Variants in FANCB observed in about 807,000 individuals in gnomAD.
FANCB encodes the protein FA complementation group B.
FANCB carries 5 observed loss-of-function variants against 38.9 expected under a neutral mutation model. The observed-to-expected ratio is 0.13, with a 90% CI of 0.07 to 0.27. The LOEUF (loss-of-function observed/expected upper bound fraction) is 0.27, where lower values mean the gene tolerates loss of function less well. Ranked by LOEUF, FANCB falls within the 10% of genes least tolerant of loss-of-function variation. The pLI, the probability that FANCB is intolerant of heterozygous loss-of-function variation, is 1.00. For synonymous variants in FANCB, 236 were observed against 215.4 expected, an observed-to-expected ratio of 1.10 and a Z score of -0.84; for missense variants, 573 against 602.7, an observed-to-expected ratio of 0.95 and a Z score of 0.52.
chrX:14,691,898 C>T, the FANCB span, among the ~76,000 whole-genome samples: 13 of 112,204 alleles, frequency 1.2e-4, no homozygotes, highest in Non-Finnish European at 1.3e-4. Flanking sequence ...AAATCTGTTC[C>T]AGAAAATATT....
At chrX:14,784,273 C>T in the FANCB span, among the ~76,000 whole-genome samples, 2 of 112,562 alleles carry the variant, frequency 1.8e-5, no homozygotes, top group Non-Finnish European at 3.8e-5. Flanking sequence ...AAGTCTGACA[C>T]AGGTCTCACT....
At chrX:14,820,022 T>G in the FANCB span, among the ~76,000 whole-genome samples, 9 of 111,397 alleles carry the variant, frequency 8.1e-5, no homozygotes, top group Non-Finnish European at 1.5e-4. Context: ...ATTAACATGA[T>G]TTTGCAAGAC....
chrX:14,696,988 G>A, the FANCB span, among the ~76,000 whole-genome samples: 3 of 110,959 alleles, frequency 2.7e-5, no homozygotes, highest in Non-Finnish European at 3.8e-5. Flanking sequence ...AATTATCACC[G>A]ATGGTTGAAT....
chrX:14,766,506 G>A, the FANCB span, among the ~76,000 whole-genome samples: 1 of 111,408 alleles, frequency 9.0e-6, no homozygotes, highest in Non-Finnish European at 1.9e-5. Context: ...AAATCCTACT[G>A]ACTCAACGAA....
the FANCB span, among the ~76,000 whole-genome samples, chrX:14,826,895 GTTTCT>G: frequency 9.0e-6 from 1 of 111,183 alleles, no homozygotes; most frequent in African/African-American, 3.3e-5. Context: ...TAATATTTTT[GTTTCT>G]TTTTTTTACA....
intron 2 of FANCB, among the ~76,000 whole-genome samples, chrX:14,866,124 C>T (rs972421842): frequency 3.6e-5 from 4 of 111,207 alleles, no homozygotes; most frequent in Non-Finnish European, 7.5e-5. Flanking sequence ...AAAGAAACCC[C>T]AGGAATAAAA....
At chrX:14,837,484 C>A (rs1350442885) in intron 10 of FANCB, among the ~76,000 whole-genome samples, 3 of 112,388 alleles carry the variant, frequency 2.7e-5, no homozygotes, top group Non-Finnish European at 1.9e-5. Flanking sequence ...AGGGAACAGG[C>A]ACACAGGTAT....
the FANCB span, among the ~76,000 whole-genome samples, chrX:14,696,128 TAGAAGGGAAGAA>T: frequency 9.7e-6 from 1 of 102,947 alleles, no homozygotes; most frequent in Non-Finnish European, 2.0e-5. Context: ...GAAGAGAATG[TAGAAGGGAAGAA>T]GGAAGGAAGA....
chrX:14,697,091 G>GAAA, the FANCB span, among the ~76,000 whole-genome samples: 2,532 of 103,745 alleles, frequency 0.024, 77 homozygotes, highest in African/African-American at 0.082. Context: ...ACCATGGTTA[G>GAAA]AAAAAAAAAA....
chrX:14,721,814 C>T, the FANCB span, among the ~76,000 whole-genome samples: 1 of 111,494 alleles, frequency 9.0e-6, no homozygotes, highest in African/African-American at 3.3e-5. Context: ...GTATCAGCAG[C>T]TAAAAGCCAA....
the FANCB span, among the ~76,000 whole-genome samples, chrX:14,769,354 T>C: frequency 8.9e-6 from 1 of 111,919 alleles, no homozygotes; most frequent in East Asian, 2.8e-4. Flanking sequence ...GTTATTGGTC[T>C]ATTCAGAGAT....
At chrX:14,714,608 C>T in the FANCB span, among the ~76,000 whole-genome samples, 172 of 111,650 alleles carry the variant, frequency 1.5e-3, 1 homozygote, top group Non-Finnish European at 2.9e-3. Context: ...GTTTGTTCTC[C>T]CCTGCCCATA....
the FANCB span, among the ~76,000 whole-genome samples, chrX:14,755,062 A>G: frequency 8.9e-6 from 1 of 112,234 alleles, no homozygotes; most frequent in Admixed American, 9.4e-5. Context: ...CAAAAACCAT[A>G]TAATCATTTC....
At chrX:14,821,251 A>T in the FANCB span, among the ~76,000 whole-genome samples, 1 of 111,908 alleles carries the variant, frequency 8.9e-6, no homozygotes, top group Non-Finnish European at 1.9e-5. Flanking sequence ...CTAAAATACT[A>T]TTCTTAGTTA....
At chrX:14,690,970 G>C in the FANCB span, 1 of 825,314 alleles carries the variant, frequency 1.2e-6, no homozygotes, top group South Asian at 2.4e-5. Context: ...GTTAATTTTT[G>C]TTCTGATTTG....
chrX:14,808,385 T>A, the FANCB span, among the ~76,000 whole-genome samples: 1 of 111,690 alleles, frequency 9.0e-6, no homozygotes, highest in Non-Finnish European at 1.9e-5. Context: ...GGGATTTATC[T>A]CTGGGATGCT....
At chrX:14,827,496 T>C in the FANCB span, among the ~76,000 whole-genome samples, 1 of 112,077 alleles carries the variant, frequency 8.9e-6, no homozygotes, top group Admixed American at 9.5e-5. Flanking sequence ...CTTTCTTATA[T>C]AGTCTCATTT....
chrX:14,846,985 T>C (rs1457063862), intron 7 of FANCB, among the ~76,000 whole-genome samples: 6 of 110,435 alleles, frequency 5.4e-5, no homozygotes, highest in Admixed American at 4.8e-4. Flanking sequence ...GGGGAATTAC[T>C]GATAATTTTG....
At chrX:14,711,006 G>C in the FANCB span, among the ~76,000 whole-genome samples, 1 of 112,342 alleles carries the variant, frequency 8.9e-6, no homozygotes, top group Non-Finnish European at 1.9e-5. Context: ...TCCTCATATA[G>C]AGTTGAATTC....
Sources: allele counts gnomAD v4.1 joint callset (sites outside exome capture counted in the v4.1 genomes callset), GRCh38; gene constraint gnomAD v4.1.1; transcripts MANE v1.5; gene names NCBI Gene and HGNC (gene_info 2026-07-23, HGNC 2026-07-21).